The following CAMTA1 variants were observed in gnomAD, a reference collection of about 807,000 sequenced individuals.
The protein encoded by CAMTA1 is calmodulin binding transcription activator 1.
CAMTA1 carries 27 observed loss-of-function variants against 170.9 expected under a neutral mutation model. The observed-to-expected ratio is 0.16, with a 90% confidence interval of 0.12 to 0.22. CAMTA1 has a LOEUF of 0.22. Among genes scored for constraint, CAMTA1 ranks in the 10% least tolerant of loss-of-function variants. The pLI, the probability that CAMTA1 is intolerant of heterozygous loss-of-function variation, is 1.00. For missense variants in CAMTA1, 1,619 were observed against 2,217.2 expected (o/e 0.73, Z 5.42); for synonymous variants, 833 against 891.5 (o/e 0.93, Z 1.17).
At chr1:7,323,652 C>A (rs1440529766) in intron 5 of CAMTA1, among the ~76,000 whole-genome samples, 1 of 151,550 alleles carries the variant, frequency 6.6e-6, no homozygotes, top group South Asian at 2.1e-4. Context: ...CCTCCTGAGT[C>A]GGTGGGATCC....
intron 5 of CAMTA1, among the ~76,000 whole-genome samples, chr1:7,410,137 G>T (rs1213663612): frequency 6.6e-6 from 1 of 152,240 alleles, no homozygotes; most frequent in Non-Finnish European, 1.5e-5. Context: ...TGTTACAGTT[G>T]ATTTTAAAGT....
chr1:7,291,691 G>A (rs1348874147), intron 5 of CAMTA1, among the ~76,000 whole-genome samples: 1 of 152,278 alleles, frequency 6.6e-6, no homozygotes, highest in Non-Finnish European at 1.5e-5. Flanking sequence ...AGAACTGGAA[G>A]GGCAGAGAGC....
chr1:6,905,781 T>C (rs1025113307), intron 3 of CAMTA1, among the ~76,000 whole-genome samples: 2 of 152,228 alleles, frequency 1.3e-5, no homozygotes, highest in South Asian at 4.1e-4. Context: ...TTTGGGTTAG[T>C]GCCTGCATCT....
chr1:7,492,750 C>T (rs1419783143), intron 6 of CAMTA1, among the ~76,000 whole-genome samples: 1 of 145,412 alleles, frequency 6.9e-6, no homozygotes, highest in Non-Finnish European at 1.5e-5. Flanking sequence ...CACGCGCGCA[C>T]ACACACACAA....
At chr1:7,061,343 G>A (rs1041255414) in intron 3 of CAMTA1, among the ~76,000 whole-genome samples, 8 of 152,216 alleles carry the variant, frequency 5.3e-5, no homozygotes, top group Admixed American at 3.3e-4. Context: ...GGTCGCCAGC[G>A]CGCACAGTTG....
intron 3 of CAMTA1, among the ~76,000 whole-genome samples, chr1:6,959,057 T>G (rs1057449457): frequency 1.3e-5 from 2 of 152,210 alleles, no homozygotes; most frequent in Admixed American, 6.5e-5. Context: ...ACCATGCTGG[T>G]CTCTTGACCT....
At chr1:7,554,956 C>T (rs905204931) in intron 6 of CAMTA1, among the ~76,000 whole-genome samples, 1 of 151,680 alleles carries the variant, frequency 6.6e-6, no homozygotes, top group Non-Finnish European at 1.5e-5. Context: ...CTAATGGAGG[C>T]GAGAACAAGA....
intron 3 of CAMTA1, among the ~76,000 whole-genome samples, chr1:6,939,808 T>C (rs1046847170): frequency 2.0e-5 from 3 of 152,256 alleles, no homozygotes; most frequent in African/African-American, 7.2e-5. Flanking sequence ...TCTCCAAGGC[T>C]TCTGCCTAGC....
chr1:7,459,167 T>C (rs1404031755), intron 5 of CAMTA1, among the ~76,000 whole-genome samples: 1 of 152,140 alleles, frequency 6.6e-6, no homozygotes, highest in Non-Finnish European at 1.5e-5. Flanking sequence ...AGCAAGGGCT[T>C]TGCGGTCAGA....
chr1:6,796,200 C>T (rs1290502253), intron 1 of CAMTA1, among the ~76,000 whole-genome samples: 2 of 128,384 alleles, frequency 1.6e-5, no homozygotes, highest in Non-Finnish European at 1.5e-5. Flanking sequence ...AGTGCAGTGG[C>T]ATGATCTCTC....
chr1:7,118,950 C>T lies in CAMTA1; in HGVS notation c.302+27579C>T, dbSNP rs1030044954. Reference sequence around the variant, plus strand: ...AGCTGATTTTTATGCTGAAGAGTAGCGTGCGGCATGTGTAATGAACAGAGT... The same window carrying T: ...AGCTGATTTTTATGCTGAAGAGTAGTGTGCGGCATGTGTAATGAACAGAGT... On this transcript the variant is annotated intron_variant, in intron 4 of 22. Coordinates refer to ENST00000303635, the MANE Select transcript of CAMTA1 (RefSeq NM_015215.4). 3.3e-5 allele frequency among the ~76,000 whole-genome samples: 5 copies of T among 152,254 alleles called. No homozygotes were observed. The East Asian group carries it at 5.8e-4, about 18-fold the overall frequency.
Position 7,681,882 on chromosome 1 carries a change from G to C in CAMTA1, c.2914+4149G>C, listed in dbSNP as rs1218218808. 6.6e-6 allele frequency among the ~76,000 whole-genome samples: 1 copy of C among 152,186 alleles called. No homozygotes were observed. On this transcript the variant is annotated intron_variant, in intron 11 of 22. Coordinates refer to ENST00000303635, the MANE Select transcript of CAMTA1 (RefSeq NM_015215.4). The surrounding 1 kb of genome is among the most constrained non-coding windows in gnomAD (Gnocchi z 4.6). Reference sequence around the variant, plus strand: ...CACTGGGACACCTTTAAGTGACCTGGGTCCCTAGAAGAGAAGGTGAGCGGA... The same window carrying C: ...CACTGGGACACCTTTAAGTGACCTGCGTCCCTAGAAGAGAAGGTGAGCGGA...
chr1:7,197,889 G>A (rs780191121), intron 4 of CAMTA1, among the ~76,000 whole-genome samples: 5 of 151,946 alleles, frequency 3.3e-5, no homozygotes, highest in South Asian at 2.1e-4. Flanking sequence ...AGGGGAAGCC[G>A]TATCTTCCCC....
At chr1:6,839,394 C>CA (rs1654735540) in intron 3 of CAMTA1, among the ~76,000 whole-genome samples, 1 of 151,772 alleles carries the variant, frequency 6.6e-6, no homozygotes, top group Non-Finnish European at 1.5e-5. Context: ...AAACAAAAAA[C>CA]AAAAAACAAA....
At chr1:7,003,624 A>G (rs758842498) in intron 3 of CAMTA1, among the ~76,000 whole-genome samples, 5 of 152,230 alleles carry the variant, frequency 3.3e-5, no homozygotes, top group Non-Finnish European at 7.3e-5. Context: ...ACTAAAAAAG[A>G]TAATCTCTCC....
At chr1:7,095,496 C>T (rs1469532574) in intron 4 of CAMTA1, among the ~76,000 whole-genome samples, 1 of 152,192 alleles carries the variant, frequency 6.6e-6, no homozygotes, top group Non-Finnish European at 1.5e-5. Context: ...ACGTGCCCTC[C>T]TGGGACTGCA....
At position 7,465,574 on chromosome 1, in the gene CAMTA1, C is replaced by T. The variant is rs535154619; in HGVS notation, c.439-2256C>T. Among the ~76,000 whole-genome samples the T allele has an allele frequency of 1.8e-3, 273 of 152,232 alleles. 1 individual carries two copies. Among genetic ancestry groups the T allele is most frequent in the Non-Finnish European group, 3.0e-3 (206 of 68,014 alleles). ...GTTCTGGAGTGAGGGCCCGAGGGTT[C>T]CTCTGATTCAAATGAGTGAGCCTTG... On this transcript the variant is annotated intron_variant, in intron 5 of 22. Transcript: ENST00000303635.
intron 5 of CAMTA1, among the ~76,000 whole-genome samples, chr1:7,294,920 C>T (rs1027427515): frequency 1.3e-5 from 2 of 152,168 alleles, no homozygotes; most frequent in African/African-American, 4.8e-5. Flanking sequence ...CCGTGACTCC[C>T]GACTCCCCTC....
chr1:7,163,448 C>A (rs1057324496), intron 4 of CAMTA1, among the ~76,000 whole-genome samples: 2 of 152,064 alleles, frequency 1.3e-5, no homozygotes, highest in African/African-American at 4.8e-5. Context: ...ACAGAGCAGG[C>A]AGCACGGCCA....
Sources: gnomAD v4.1 joint callset for allele counts (sites outside exome capture counted in the v4.1 genomes callset) on GRCh38, gnomAD v4.1.1 for gene constraint, Gnocchi (gnomAD v3.1) non-coding constraint, MANE v1.5 for transcripts, NCBI Gene and HGNC (gene_info 2026-07-23, HGNC 2026-07-21) for gene names.